PDZD2: variants seen among roughly 807,000 people sequenced by gnomAD.
PDZD2 encodes PDZ domain-containing protein 2.
PDZD2 carries 90 observed loss-of-function variants against 220.7 expected under a neutral mutation model. The ratio of observed to expected loss-of-function variants is 0.41; its 90% confidence interval spans 0.34 to 0.49. The LOEUF is 0.49. Ranked by LOEUF, PDZD2 falls within the 20% of genes least tolerant of loss-of-function variation. The probability of loss-of-function intolerance (pLI) is 0.28; values close to 1 mark genes in which losing one functional copy is unlikely to be tolerated. For synonymous variants in PDZD2, 1,375 were observed against 1,450.5 expected (o/e 0.95, Z 1.18); for missense variants, 3,174 against 3,608.5 (o/e 0.88, Z 3.08).
At chr5:31,987,123 C>G (rs1581219486) in intron 3 of PDZD2, among the ~76,000 whole-genome samples, 1 of 152,100 alleles carries the variant, frequency 6.6e-6, no homozygotes, top group Non-Finnish European at 1.5e-5. Flanking sequence ...CTTTACTACT[C>G]TGAGAGTTTT....
Position 31,698,632 on chromosome 5 carries a change from TG to T in PDZD2, c.-361+59197del, listed in dbSNP as rs201177305. 4.4e-3 allele frequency among the ~76,000 whole-genome samples: 656 copies of T among 150,146 alleles called. 7 individuals are homozygous for T. Among genetic ancestry groups the T allele is most frequent in the African/African-American group, 0.015 (623 of 40,942 alleles). On this transcript the variant is annotated intron_variant, in intron 1 of 24. Transcript: ENST00000438447. ...AAAAAAAGAAAAAGAGAAGGCTGGG[TG>T]GAACCAGCGCTGAATGTCCGCAAAG... is the stretch of plus-strand genomic sequence containing the variant.
chr5:31,686,619 G>A (rs1041766046), intron 1 of PDZD2, among the ~76,000 whole-genome samples: 3 of 151,958 alleles, frequency 2.0e-5, no homozygotes, highest in African/African-American at 4.8e-5. Context: ...CGCCTGCCTC[G>A]GCCTCCCAAA....
At chr5:31,911,404 G>A (rs943042545) in intron 2 of PDZD2, among the ~76,000 whole-genome samples, 1 of 152,222 alleles carries the variant, frequency 6.6e-6, no homozygotes, top group Non-Finnish European at 1.5e-5. Context: ...TGGAGCCATC[G>A]CTAAAGCTTC....
intron 1 of PDZD2, among the ~76,000 whole-genome samples, chr5:31,759,941 C>T (rs1056063709): frequency 2.6e-5 from 4 of 152,130 alleles, no homozygotes; most frequent in Admixed American, 1.3e-4. Context: ...AAAATGAATA[C>T]ATGTATTATG....
chr5:31,853,094 A>G (rs1200559579), intron 2 of PDZD2, among the ~76,000 whole-genome samples: 1 of 152,232 alleles, frequency 6.6e-6, no homozygotes, highest in Non-Finnish European at 1.5e-5. Context: ...ATAGGATGCT[A>G]ATGAAAGACT....
chr5:31,797,597 T>G (rs1229319601), intron 1 of PDZD2, among the ~76,000 whole-genome samples: 1 of 152,152 alleles, frequency 6.6e-6, no homozygotes, highest in South Asian at 2.1e-4. Flanking sequence ...CCTCCCAAAG[T>G]GCTGGGATTA....
intron 3 of PDZD2, among the ~76,000 whole-genome samples, chr5:31,992,830 C>G (rs1316045858): frequency 6.6e-6 from 1 of 150,902 alleles, no homozygotes. Context: ...AAAAAAACAG[C>G]CAGCATCCTT....
chr5:31,898,065 C>T (rs563640833), intron 2 of PDZD2, among the ~76,000 whole-genome samples: 164 of 152,186 alleles, frequency 1.1e-3, no homozygotes, highest in African/African-American at 3.9e-3. Flanking sequence ...TTTCTCTCCC[C>T]GTCTAGAGGG....
In PDZD2 at chr5:31,655,234, G is replaced by A. The variant is rs536588633; in HGVS notation, c.-361+15797G>A. ...GTCACCCAGGCTGGAGTGCAGTGGC[G>A]CAATCTCAGCTCACTGCAACCTCTG... On this transcript the variant is annotated intron_variant, in intron 1 of 24. Coordinates refer to ENST00000438447, the MANE Select transcript of PDZD2 (RefSeq NM_178140.4). Among the ~76,000 whole-genome samples the A allele has an allele frequency of 3.9e-5, 6 of 152,094 alleles. No individual in the cohort carries two copies. The South Asian group carries it at 1.0e-3, about 26-fold the overall frequency.
intron 24 of PDZD2, chr5:32,106,298 A>C (rs1416417838): frequency 6.6e-6 from 1 of 152,302 alleles, no homozygotes; most frequent in African/African-American, 2.4e-5. Context: ...GTGAGAATCT[A>C]ATGCTGCTGC....
At chr5:32,080,347 C>CAAAAAA (rs35491724) in intron 19 of PDZD2, among the ~76,000 whole-genome samples, 2 of 54,264 alleles carry the variant, frequency 3.7e-5, no homozygotes, top group Non-Finnish European at 6.5e-5. Flanking sequence ...GACTCCATCT[C>CAAAAAA]AAAAAAAAAA....
intron 2 of PDZD2, among the ~76,000 whole-genome samples, chr5:31,805,089 G>A (rs911443208): frequency 6.6e-6 from 1 of 152,210 alleles, no homozygotes; most frequent in African/African-American, 2.4e-5. Flanking sequence ...CAGCTACTCG[G>A]GAGGCTTAGG....
At chr5:31,974,123 G>GGCAT (rs939403531) in intron 2 of PDZD2, among the ~76,000 whole-genome samples, 1 of 152,136 alleles carries the variant, frequency 6.6e-6, no homozygotes, top group African/African-American at 2.4e-5. Context: ...TGGGATTACA[G>GGCAT]GCACCCGCTA....
intron 2 of PDZD2, among the ~76,000 whole-genome samples, chr5:31,887,569 A>T (rs1580997773): frequency 6.6e-6 from 1 of 152,216 alleles, no homozygotes; most frequent in East Asian, 1.9e-4. Flanking sequence ...GAGAAGTGCC[A>T]TTCCTGAGAT....
intron 1 of PDZD2, among the ~76,000 whole-genome samples, chr5:31,650,446 C>T (rs1306803647): frequency 6.6e-6 from 1 of 152,146 alleles, no homozygotes; most frequent in Non-Finnish European, 1.5e-5. Context: ...CCTAAAGTCT[C>T]TACAGAGCCC....
At chr5:32,016,879 A>G (rs1434455971) in intron 6 of PDZD2, among the ~76,000 whole-genome samples, 1 of 152,090 alleles carries the variant, frequency 6.6e-6, no homozygotes, top group Non-Finnish European at 1.5e-5. Context: ...TCGTAGTGAC[A>G]TTGTTATTCA....
intron 2 of PDZD2, among the ~76,000 whole-genome samples, chr5:31,897,461 C>T (rs781481716): frequency 6.6e-5 from 10 of 152,230 alleles, no homozygotes; most frequent in Non-Finnish European, 1.3e-4. Flanking sequence ...GTCTGATGTT[C>T]AAATATAAGT....
chr5:31,768,009 C>T (rs1313511381), intron 1 of PDZD2, among the ~76,000 whole-genome samples: 1 of 152,222 alleles, frequency 6.6e-6, no homozygotes, highest in East Asian at 1.9e-4. Flanking sequence ...GGCTTTCCAC[C>T]TGTGAGGTCA....
chr5:31,856,756 T>C (rs780908039), intron 2 of PDZD2, among the ~76,000 whole-genome samples: 1 of 152,062 alleles, frequency 6.6e-6, no homozygotes. Flanking sequence ...GCTTACCTGC[T>C]CTCCCCTTTT....
Sources: allele counts gnomAD v4.1 joint callset (sites outside exome capture counted in the v4.1 genomes callset), GRCh38; gene constraint gnomAD v4.1.1; transcripts MANE v1.5; gene names NCBI Gene and HGNC (gene_info 2026-07-23, HGNC 2026-07-21).